Variants in TENT5D observed in about 807,000 individuals in gnomAD.
TENT5D encodes terminal nucleotidyltransferase 5D.
For synonymous variants in TENT5D, 103 were observed against 100.6 expected (o/e 1.02, Z -0.15); for missense variants, 191 against 287.0 (o/e 0.67, Z 2.42).
At chrX:80,434,199 T>A (rs1172325123) in intron 1 of TENT5D, among the ~76,000 whole-genome samples, 1 of 92,874 alleles carries the variant, frequency 1.1e-5, no homozygotes, top group African/African-American at 4.0e-5. Context: ...AAAGAGATGA[T>A]CATAAAGTAA....
intron 3 of TENT5D, among the ~76,000 whole-genome samples, chrX:80,402,880 A>G (rs1022411086): frequency 8.9e-6 from 1 of 111,937 alleles, no homozygotes; most frequent in Non-Finnish European, 1.9e-5. Flanking sequence ...AATGTTCAGT[A>G]TATGGCTATT....
At chrX:80,412,096 T>G (rs1931680795) in intron 3 of TENT5D, among the ~76,000 whole-genome samples, 1 of 112,715 alleles carries the variant, frequency 8.9e-6, no homozygotes, top group South Asian at 3.6e-4. Flanking sequence ...ATTCTTAACT[T>G]CTGTGCACCT....
At chrX:80,339,407 T>C (rs1261600123) in intron 2 of TENT5D, among the ~76,000 whole-genome samples, 1 of 111,399 alleles carries the variant, frequency 9.0e-6, no homozygotes, top group Non-Finnish European at 1.9e-5. Context: ...AGAAAAACTG[T>C]TTTTTCCCCC....
intron 3 of TENT5D, among the ~76,000 whole-genome samples, chrX:80,370,011 C>T (rs750276641): frequency 9.0e-5 from 10 of 111,030 alleles, no homozygotes; most frequent in Non-Finnish European, 1.7e-4. Flanking sequence ...TAGCCTCAAA[C>T]TCCTGGGCTC....
intron 3 of TENT5D, among the ~76,000 whole-genome samples, chrX:80,407,912 C>T (rs1931540383): frequency 9.0e-6 from 1 of 111,076 alleles, no homozygotes; most frequent in African/African-American, 3.3e-5. Flanking sequence ...TCTCAGACCA[C>T]AGTACAATCA....
chrX:80,420,196 A>G (rs1931857762), upstream of TENT5D, among the ~76,000 whole-genome samples: 2 of 111,312 alleles, frequency 1.8e-5, no homozygotes, highest in African/African-American at 6.5e-5. Context: ...GTGAATCTGC[A>G]TGGTTTAACT....
intron 3 of TENT5D, among the ~76,000 whole-genome samples, chrX:80,384,181 T>C (rs1229381013): frequency 9.9e-6 from 1 of 100,702 alleles, no homozygotes; most frequent in African/African-American, 3.6e-5. Flanking sequence ...CTCAATAAAA[T>C]ACTGGCAAAC....
chrX:80,366,034 T>C (rs1930504103), intron 3 of TENT5D, among the ~76,000 whole-genome samples: 1 of 111,291 alleles, frequency 9.0e-6, no homozygotes. Flanking sequence ...AAATGTGAAC[T>C]CTCTCCCAGG....
At chrX:80,371,398 C>G (rs1457212981) in intron 3 of TENT5D, among the ~76,000 whole-genome samples, 1 of 111,695 alleles carries the variant, frequency 9.0e-6, no homozygotes, top group Non-Finnish European at 1.9e-5. Flanking sequence ...AAGTCACCAG[C>G]TGCATTATCC....
chrX:80,381,167 C>T (rs973745428), intron 3 of TENT5D, among the ~76,000 whole-genome samples: 1 of 111,891 alleles, frequency 8.9e-6, no homozygotes, highest in African/African-American at 3.2e-5. Flanking sequence ...GTGACAAATT[C>T]TCTCAGCATT....
At chrX:80,403,081 T>C (rs931500931) in intron 3 of TENT5D, among the ~76,000 whole-genome samples, 1 of 112,114 alleles carries the variant, frequency 8.9e-6, no homozygotes, top group African/African-American at 3.2e-5. Context: ...GAGAGCAAAG[T>C]GCTCCAGAAA....
At chrX:80,423,749 A>G (rs780391943) in intron 1 of TENT5D, among the ~76,000 whole-genome samples, 1 of 110,739 alleles carries the variant, frequency 9.0e-6, no homozygotes, top group African/African-American at 3.3e-5. Flanking sequence ...GGAGCACCCC[A>G]TGTACATGCC....
chrX:80,404,263 C>A (rs1019747553), intron 3 of TENT5D, among the ~76,000 whole-genome samples: 16 of 112,028 alleles, frequency 1.4e-4, no homozygotes, highest in Non-Finnish European at 7.5e-5. Context: ...AACCTTTATT[C>A]TTTGAGAGTG....
intron 3 of TENT5D, among the ~76,000 whole-genome samples, chrX:80,401,075 GTCT>G (rs1931382192): frequency 9.0e-6 from 1 of 111,373 alleles, no homozygotes; most frequent in Non-Finnish European, 1.9e-5. Flanking sequence ...ATTTATTTGT[GTCT>G]TCTTCAGTCT....
At chrX:80,341,415 T>C (rs1232015618) in intron 2 of TENT5D, among the ~76,000 whole-genome samples, 1 of 112,003 alleles carries the variant, frequency 8.9e-6, no homozygotes. Context: ...TACTGTGTGC[T>C]CAGCATTGCT....
At chrX:80,389,466 G>C (rs750176523) in intron 3 of TENT5D, among the ~76,000 whole-genome samples, 12 of 112,278 alleles carry the variant, frequency 1.1e-4, no homozygotes, top group Non-Finnish European at 1.3e-4. Flanking sequence ...CCCATAGATG[G>C]TATTTAAAAC....
intron 3 of TENT5D, among the ~76,000 whole-genome samples, chrX:80,414,019 C>T (rs1287552753): frequency 8.9e-6 from 1 of 111,870 alleles, no homozygotes; most frequent in Non-Finnish European, 1.9e-5. Context: ...AATTCCAATT[C>T]AGGTATTTAC....
chrX:80,438,290 C>A (rs1932218556), intron 1 of TENT5D, among the ~76,000 whole-genome samples: 2 of 109,928 alleles, frequency 1.8e-5, no homozygotes, highest in Admixed American at 1.9e-4. Flanking sequence ...AAATTAGAAA[C>A]TCTGGAGGTG....
chrX:80,359,602 C>A (rs972165371), intron 3 of TENT5D, among the ~76,000 whole-genome samples: 1 of 110,407 alleles, frequency 9.1e-6, no homozygotes, highest in African/African-American at 3.3e-5. Flanking sequence ...CACATGGATA[C>A]AGGGAGGGGA....
Sources: gnomAD v4.1 joint callset for allele counts (sites outside exome capture counted in the v4.1 genomes callset) on GRCh38, gnomAD v4.1.1 for gene constraint, MANE v1.5 for transcripts, NCBI Gene and HGNC (gene_info 2026-07-23, HGNC 2026-07-21) for gene names.